The following ALPL variants were observed in gnomAD, a reference collection of about 807,000 sequenced individuals.
ALPL encodes the protein alkaline phosphatase, tissue-nonspecific isozyme.
A neutral mutation model predicts 51.3 loss-of-function variants in ALPL; 42 were observed. The ratio of observed to expected loss-of-function variants is 0.82; its 90% CI spans 0.64 to 1.06. The LOEUF is 1.06. ALPL is among the 50% of genes least tolerant of loss of function. The pLI, the probability that ALPL is intolerant of heterozygous loss-of-function variation, is 0.00. For missense variants in ALPL, 589 were observed against 709.4 expected, an observed-to-expected ratio of 0.83 and a Z score of 1.93; for synonymous variants, 279 against 296.4, an observed-to-expected ratio of 0.94 and a Z score of 0.60.
At chr1:21,571,895 G>A (rs10917015) in intron 8 of ALPL, among the ~76,000 whole-genome samples, 28,476 of 151,400 alleles carry the variant, frequency 0.19, 3,230 homozygotes, top group East Asian at 0.46. Context: ...AGGAGGCTGA[G>A]GTAGGAGGAT....
chr1:21,538,038 A>G (rs1392007486), intron 1 of ALPL, among the ~76,000 whole-genome samples: 3 of 152,250 alleles, frequency 2.0e-5, no homozygotes, highest in East Asian at 3.9e-4. Context: ...AAGTGCTTAG[A>G]GCAGTGCCCG....
intron 1 of ALPL, among the ~76,000 whole-genome samples, chr1:21,546,992 G>A (rs369640613): frequency 1.3e-5 from 2 of 152,186 alleles, no homozygotes; most frequent in African/African-American, 4.8e-5. Flanking sequence ...CCATGTTTTT[G>A]CCCCACAGGG....
intron 1 of ALPL, among the ~76,000 whole-genome samples, chr1:21,535,347 G>T (rs1025639021): frequency 6.6e-6 from 1 of 152,318 alleles, no homozygotes; most frequent in South Asian, 2.1e-4. Flanking sequence ...TGGGTGTGGG[G>T]CCTCACCCGG....
At position 21,554,616 on chromosome 1, in the gene ALPL, A is replaced by G. The variant is rs189865326; in HGVS notation, c.61+474A>G. The stretch of plus-strand genomic sequence containing the variant: ...CGCCATTCTCCTGCCTCAGCCTCCC[A>G]AGTAGCTGGGACTACAGGTGCCCGC... On this transcript the variant is annotated intron_variant, in intron 2 of 11. Coordinates refer to ENST00000374840, the MANE Select transcript of ALPL (RefSeq NM_000478.6). 9.2e-3 allele frequency among the ~76,000 whole-genome samples: 1,393 copies of G among 150,622 alleles called. 26 individuals are homozygous for G. Among genetic ancestry groups the G allele is most frequent in the African/African-American group, 0.032 (1,299 of 41,130 alleles).
chr1:21,569,924 C>A (rs1159004461), intron 7 of ALPL, among the ~76,000 whole-genome samples: 2 of 152,278 alleles, frequency 1.3e-5, no homozygotes, highest in Admixed American at 1.3e-4. Flanking sequence ...CACTCAAGGC[C>A]CCTGGAGACC....
intron 1 of ALPL, among the ~76,000 whole-genome samples, chr1:21,510,101 C>T (rs1303671195): frequency 6.6e-6 from 1 of 152,134 alleles, no homozygotes; most frequent in Non-Finnish European, 1.5e-5. Flanking sequence ...AGTGTGGGCA[C>T]CCACTGTGGG....
intron 1 of ALPL, among the ~76,000 whole-genome samples, chr1:21,518,476 ATC>A (rs1643842864): frequency 6.6e-6 from 1 of 152,114 alleles, no homozygotes; most frequent in South Asian, 2.1e-4. Context: ...TTGAATTCAT[ATC>A]TGTCAAACCC....
chr1:21,557,232 G>A (rs1264002276), intron 2 of ALPL, among the ~76,000 whole-genome samples: 1 of 152,218 alleles, frequency 6.6e-6, no homozygotes, highest in African/African-American at 2.4e-5. Context: ...TCTGTCCAGT[G>A]GGGATGAGTT....
rs1359671826 is a variant in ALPL, at chr1:21,564,467, TCCATAAATTGAAA to T, written c.648+254_648+266del. Among the ~76,000 whole-genome samples the T allele has an allele frequency of 2.0e-5, 3 of 152,156 alleles. No individual in the cohort carries two copies. Among genetic ancestry groups the T allele is most frequent in the Non-Finnish European group, 4.4e-5 (3 of 68,010 alleles). ...CAAGAACCAGGCATCCAGGGATGAT[TCCATAAATTGAAA>T]CCTGGTGCTGTGCCCTCCTCTGCCC... On this transcript the variant is annotated intron_variant, in intron 6 of 11. Transcript: ENST00000374840. This position sits in a 1 kb window ranked among gnomAD's most constrained non-coding sequence, Gnocchi z 5.8.
intron 1 of ALPL, among the ~76,000 whole-genome samples, chr1:21,522,993 A>G (rs1414838100): frequency 1.3e-5 from 2 of 152,160 alleles, no homozygotes; most frequent in Non-Finnish European, 2.9e-5. Flanking sequence ...GCTCAGAAAT[A>G]AGCTCATTTG....
At chr1:21,559,863 T>C (rs1243157106) in intron 2 of ALPL, among the ~76,000 whole-genome samples, 1 of 152,054 alleles carries the variant, frequency 6.6e-6, no homozygotes, top group African/African-American at 2.4e-5. Flanking sequence ...AAGCTGTGGA[T>C]TGGTTGCTGG....
At chr1:21,533,848 C>T (rs1215594649) in intron 1 of ALPL, among the ~76,000 whole-genome samples, 4 of 151,124 alleles carry the variant, frequency 2.6e-5, no homozygotes, top group African/African-American at 7.3e-5. Flanking sequence ...GCCTGAACCT[C>T]GGAGGTGGAG....
At chr1:21,570,475 CT>C in intron 8 of ALPL, 101 bp downstream of exon 8, 2 of 1,230,238 alleles carry the variant, frequency 1.6e-6, no homozygotes, top group Non-Finnish European at 2.3e-6. Flanking sequence ...CTGACGCCCA[CT>C]TAGGGGCCTC....
intron 1 of ALPL, among the ~76,000 whole-genome samples, chr1:21,511,086 C>T (rs1390541395): frequency 2.0e-5 from 3 of 152,192 alleles, no homozygotes; most frequent in Non-Finnish European, 4.4e-5. Context: ...AATACTTAAG[C>T]ATCCGCCGTG....
At chr1:21,568,636 G>T (rs1024329642) in intron 7 of ALPL, among the ~76,000 whole-genome samples, 1 of 152,050 alleles carries the variant, frequency 6.6e-6, no homozygotes, top group East Asian at 1.9e-4. Context: ...CAGGCGCCCT[G>T]GGGGGACAGA....
intron 1 of ALPL, among the ~76,000 whole-genome samples, chr1:21,523,363 G>T (rs1190293365): frequency 6.6e-6 from 1 of 152,222 alleles, no homozygotes; most frequent in Admixed American, 6.5e-5. Context: ...GCTAGTAAAT[G>T]ATAGCTCTGG....
chr1:21,525,148 C>G (rs995553269), intron 1 of ALPL, among the ~76,000 whole-genome samples: 6 of 152,250 alleles, frequency 3.9e-5, no homozygotes, highest in African/African-American at 1.2e-4. Flanking sequence ...GCCTGCCCCA[C>G]TTCCCCCTCT....
Position 21,563,394 on chromosome 1 carries a change from C to T in ALPL, c.472+110C>T. Reference sequence around the variant, plus strand: ...CTAGAAAAGGCTTCTCTGTGGGGCTCCCAGCTCTGATATGCTGGGAGTCTG... The same window carrying T: ...CTAGAAAAGGCTTCTCTGTGGGGCTTCCAGCTCTGATATGCTGGGAGTCTG... On this transcript the variant is annotated intron_variant, in intron 5 of 11. Transcript: ENST00000374840. The T allele has an allele frequency of 5.3e-6, 7 of 1,331,726 alleles. No homozygotes were observed. In the African/African-American group the frequency reaches 1.0e-4, roughly 20 times the overall value. 82.5% of individuals were successfully genotyped at this position (1,331,726 alleles called of 1,614,324 possible).
At chr1:21,551,745 T>TTTTTTA (rs1644326080) in intron 1 of ALPL, among the ~76,000 whole-genome samples, 1 of 131,144 alleles carries the variant, frequency 7.6e-6, no homozygotes, top group Non-Finnish European at 1.7e-5. Flanking sequence ...TTTTTTTTTT[T>TTTTTTA]GAGACAGAGT....
Sources: allele counts gnomAD v4.1 joint callset (sites outside exome capture counted in the v4.1 genomes callset), GRCh38; gene constraint gnomAD v4.1.1; non-coding constraint Gnocchi (gnomAD v3.1); transcripts MANE v1.5; gene names NCBI Gene and HGNC (gene_info 2026-07-23, HGNC 2026-07-21).